TMEM225B: variants seen among roughly 807,000 people sequenced by gnomAD.
TMEM225B encodes transmembrane protein 225-like.
TMEM225B carries 10 observed loss-of-function variants against 16.9 expected under a neutral mutation model. The ratio of observed to expected loss-of-function variants is 0.59; its 90% confidence interval spans 0.36 to 1.00. The LOEUF (loss-of-function observed/expected upper bound fraction) is 1.00, where lower values mean the gene tolerates loss of function less well. Ranked by LOEUF, TMEM225B falls within the 50% of genes least tolerant of loss-of-function variation. TMEM225B has a pLI of 0.01. For synonymous variants in TMEM225B, 92 were observed against 109.8 expected (o/e 0.84, Z 1.01); for missense variants, 217 against 267.0 (o/e 0.81, Z 1.30).
chr7:99,603,106 G>A (rs929025612), intron 2 of TMEM225B, among the ~76,000 whole-genome samples: 1 of 152,040 alleles, frequency 6.6e-6, no homozygotes, highest in African/African-American at 2.4e-5. Flanking sequence ...ATCCTTCACT[G>A]AGGGCCCAGG....
intron 2 of TMEM225B, among the ~76,000 whole-genome samples, chr7:99,603,254 G>A (rs1805506770): frequency 6.6e-6 from 1 of 152,166 alleles, no homozygotes; most frequent in Non-Finnish European, 1.5e-5. Flanking sequence ...GTGGTCAGAA[G>A]GCCAGTCACT....
intron 4 of TMEM225B, 32 bp downstream of exon 4, chr7:99,606,926 G>C (rs553077338): frequency 6.5e-7 from 1 of 1,535,384 alleles, no homozygotes; most frequent in Non-Finnish European, 8.7e-7. Context: ...CCTGACCTTC[G>C]CTAGGGCCTG....
At chr7:99,606,245 T>G (rs1338606791) in intron 3 of TMEM225B, among the ~76,000 whole-genome samples, 1 of 152,156 alleles carries the variant, frequency 6.6e-6, no homozygotes, top group African/African-American at 2.4e-5. Context: ...CAGTGAGCTA[T>G]GATGGTGCCA....
chr7:99,609,017 A>C (rs779094583), intron 5 of TMEM225B, among the ~76,000 whole-genome samples: 3 of 151,754 alleles, frequency 2.0e-5, no homozygotes, highest in Non-Finnish European at 4.4e-5. Context: ...AAATACAAAA[A>C]TTAGCTGGGT....
chr7:99,609,441 G>GT (rs1806147881), intron 5 of TMEM225B, among the ~76,000 whole-genome samples: 1 of 151,874 alleles, frequency 6.6e-6, no homozygotes, highest in Non-Finnish European at 1.5e-5. Flanking sequence ...TCCATTTGTT[G>GT]TCTCTTTTTG....
chr7:99,606,022 CA>C (rs1230290842), intron 3 of TMEM225B, among the ~76,000 whole-genome samples: 9 of 152,218 alleles, frequency 5.9e-5, no homozygotes, highest in Non-Finnish European at 8.8e-5. Context: ...TGATTCTTCA[CA>C]TTTGCATGTG....
chr7:99,609,693 C>A (rs1806177763), intron 5 of TMEM225B, among the ~76,000 whole-genome samples: 1 of 151,994 alleles, frequency 6.6e-6, no homozygotes, highest in Admixed American at 6.6e-5. Context: ...CTCGGCCTCC[C>A]AAAGTGCTGG....
chr7:99,605,476 T>C (rs1351033519), intron 3 of TMEM225B: 1 of 144,600 alleles, frequency 6.9e-6, no homozygotes, highest in Admixed American at 7.0e-5. Flanking sequence ...TCTCGCTTTG[T>C]CACCCAGGCT....
chr7:99,599,846 A>G (rs1805193064), intron 1 of TMEM225B, among the ~76,000 whole-genome samples: 1 of 152,214 alleles, frequency 6.6e-6, no homozygotes, highest in South Asian at 2.1e-4. Flanking sequence ...ATCCTCCACC[A>G]GTCATTCCCT....
rs369304623 is a variant in TMEM225B, at chr7:99,600,268, T to C, written c.-21T>C. The C allele has an allele frequency of 1.4e-6, 1 of 702,920 alleles. No homozygotes were observed. Among genetic ancestry groups the C allele is most frequent in the Middle Eastern group, 2.3e-4 (1 of 4,370 alleles). 43.5% of individuals were successfully genotyped at this position (702,920 alleles called of 1,614,324 possible). ...TCTGAATCCCCACCATTGGCCTACA[T>C]TGGGAGTGGGGCGACCTGTAAGTGC... On this transcript the variant is annotated 5_prime_UTR_variant, in exon 2 of 6. Coordinates refer to ENST00000431679, the MANE Select transcript of TMEM225B (RefSeq NM_001195541.3).
At chr7:99,608,858 TACACACACAC>T (rs1554405762) in intron 5 of TMEM225B, among the ~76,000 whole-genome samples, 11 of 144,308 alleles carry the variant, frequency 7.6e-5, no homozygotes, top group African/African-American at 2.3e-4. Flanking sequence ...TATATATATA[TACACACACAC>T]ATATATGTGT....
chr7:99,606,081 C>G (rs1461967194), intron 3 of TMEM225B, among the ~76,000 whole-genome samples: 2 of 152,176 alleles, frequency 1.3e-5, no homozygotes, highest in Non-Finnish European at 2.9e-5. Context: ...TTTTTAAAAC[C>G]ACCATTTTCC....
intron 5 of TMEM225B, among the ~76,000 whole-genome samples, chr7:99,608,858 T>TATATATATATATATATATATAC (rs536627768): frequency 4.4e-4 from 64 of 144,424 alleles, no homozygotes; most frequent in African/African-American, 1.5e-3. Flanking sequence ...TATATATATA[T>TATATATATATATATATATATAC]ACACACACAC....
chr7:99,610,570 G>A lies in TMEM225B; in HGVS notation c.*5G>A. 2.6e-6 allele frequency: 4 copies of A among 1,535,772 alleles called. No individual in the cohort carries two copies. The highest frequency in any genetic ancestry group is 3.5e-6 in the Non-Finnish European group (4 of 1,146,754). ...ACAGCAGAAACAGTCATCTAGCCCA[G>A]GACATGGCTTCTTTACCCTTCTTCA... On this transcript the variant is annotated 3_prime_UTR_variant, in exon 6 of 6. Transcript: ENST00000431679.
chr7:99,607,102 C>T (rs1472157067), intron 4 of TMEM225B, among the ~76,000 whole-genome samples: 1 of 152,130 alleles, frequency 6.6e-6, no homozygotes, highest in Non-Finnish European at 1.5e-5. Context: ...ATCCTCCCAC[C>T]TCAGCCTCCC....
In TMEM225B at chr7:99,610,803, A is replaced by G. The variant is rs1276363463; in HGVS notation, c.*238A>G. ...AGTGACGTTTTTGCAGGTATTTTCA[A>G]TAAAAAGAAGGGCTACTTTGTTCAT... On this transcript the variant is annotated 3_prime_UTR_variant, in exon 6 of 6. Transcript: ENST00000431679. 1.7e-5 allele frequency: 7 copies of G among 411,922 alleles called. No individual in the cohort carries two copies. Among genetic ancestry groups the G allele is most frequent in the Non-Finnish European group, 2.6e-5 (6 of 227,444 alleles). 25.5% of individuals were successfully genotyped at this position (411,922 alleles called of 1,614,324 possible).
At chr7:99,603,838 T>G (rs536663690) in intron 2 of TMEM225B, among the ~76,000 whole-genome samples, 1 of 152,086 alleles carries the variant, frequency 6.6e-6, no homozygotes, top group East Asian at 1.9e-4. Context: ...CATGGTTCAC[T>G]GCAGCCTTGA....
intron 1 of TMEM225B, 148 bp from the exon 2 acceptor site, chr7:99,600,057 G>A: frequency 1.6e-6 from 1 of 614,252 alleles, no homozygotes; most frequent in South Asian, 1.9e-5. Context: ...AGGAGGACAA[G>A]GTCCTCATCA....
At chr7:99,599,301 T>C (rs1161170383) in intron 1 of TMEM225B, among the ~76,000 whole-genome samples, 2 of 152,042 alleles carry the variant, frequency 1.3e-5, no homozygotes, top group Non-Finnish European at 2.9e-5. Flanking sequence ...AATAATAATT[T>C]GGCCAGACGT....
Sources: allele counts gnomAD v4.1 joint callset (sites outside exome capture counted in the v4.1 genomes callset), GRCh38; gene constraint gnomAD v4.1.1; transcripts MANE v1.5; gene names NCBI Gene and HGNC (gene_info 2026-07-23, HGNC 2026-07-21).